The following GRIA1 variants were observed in gnomAD, a reference collection of about 807,000 sequenced individuals.
GRIA1 encodes glutamate ionotropic receptor AMPA type subunit 1.
In GRIA1, 31 loss-of-function variants were observed where a neutral mutation model predicts 99.2. The ratio of observed to expected loss-of-function variants is 0.31; its 90% CI spans 0.23 to 0.42. GRIA1 has a LOEUF of 0.42. Ranked by LOEUF, GRIA1 falls within the 10% of genes least tolerant of loss-of-function variation. GRIA1 has a pLI of 1.00. For synonymous variants in GRIA1, 438 were observed against 432.4 expected, an observed-to-expected ratio of 1.01 and a Z score of -0.16; for missense variants, 782 against 1,157.5, an observed-to-expected ratio of 0.68 and a Z score of 4.71.
chr5:153,677,943 A>C (rs2149488857), intron 7 of GRIA1, among the ~76,000 whole-genome samples: 1 of 152,172 alleles, frequency 6.6e-6, no homozygotes, highest in East Asian at 1.9e-4. Flanking sequence ...AAGGAATAGC[A>C]CTATATTTTT....
At chr5:153,625,342 A>G (rs1435993084) in intron 2 of GRIA1, among the ~76,000 whole-genome samples, 1 of 152,182 alleles carries the variant, frequency 6.6e-6, no homozygotes, top group Non-Finnish European at 1.5e-5. Context: ...TTCAGCATCC[A>G]TTTAGGATAG....
At chr5:153,697,306 T>A (rs1024180484) in intron 8 of GRIA1, among the ~76,000 whole-genome samples, 5 of 152,360 alleles carry the variant, frequency 3.3e-5, no homozygotes, top group African/African-American at 1.2e-4. Context: ...TCTCTCAGAC[T>A]TCTTTGCATC....
At chr5:153,797,982 C>G (rs1457641051) in intron 14 of GRIA1, among the ~76,000 whole-genome samples, 2 of 152,120 alleles carry the variant, frequency 1.3e-5, no homozygotes, top group Admixed American at 1.3e-4. Flanking sequence ...GATCCCAGAC[C>G]CTCTAGAAAC....
In GRIA1 at chr5:153,811,387, C is replaced by T; in HGVS notation, c.*162C>T. ...AGGTTTTCCTGAAGAATTGAAAAAC[C>T]ATTTTGCTGTCCCTTTTCCTTTTTT... On this transcript the variant is annotated 3_prime_UTR_variant, in exon 16 of 16. Transcript: ENST00000285900. 1 of 604,470 alleles carries T rather than the reference C, an allele frequency of 1.7e-6. No individual in the cohort carries two copies. Among genetic ancestry groups the T allele is most frequent in the Admixed American group, 2.9e-5 (1 of 34,250 alleles). 37.4% of individuals were successfully genotyped at this position (604,470 alleles called of 1,614,324 possible).
In GRIA1 at chr5:153,490,956, A is replaced by G. The variant is rs1380045490; in HGVS notation, c.68A>G (p.Asn23Ser). 6.2e-7 allele frequency: 1 copy of G among 1,614,070 alleles called. No homozygotes were observed. The highest frequency in any genetic ancestry group is 1.1e-5 in the South Asian group (1 of 91,064). The part of the protein sequence containing the change: ...LGAVVGANFP[N>S]NIQIGGLFPN... ...GCGGTAGTAGGTGCCAATTTCCCCA[A>G]CAATATCCAGATCGGTGAGTGAGGG... Residue 23 changes from asparagine (N) to serine (S), a missense_variant, in exon 1 of 16, where the codon AAC becomes AGC. By Grantham distance (46) the Asn-to-Ser change is conservative (BLOSUM62 1). Coordinates refer to ENST00000285900, the MANE Select transcript of GRIA1 (RefSeq NM_000827.4).
At chr5:153,524,513 TC>T in intron 2 of GRIA1, among the ~76,000 whole-genome samples, 1 of 152,340 alleles carries the variant, frequency 6.6e-6, no homozygotes, top group East Asian at 1.9e-4. Flanking sequence ...AAACTTTCTA[TC>T]CTTCTGGACT....
chr5:153,756,579 G>A (rs79585237), intron 11 of GRIA1, among the ~76,000 whole-genome samples: 194 of 152,242 alleles, frequency 1.3e-3, no homozygotes, highest in African/African-American at 4.4e-3. Context: ...AAGCCATATG[G>A]ACCAGTGAGA....
chr5:153,494,133 A>T, intron 2 of GRIA1, 68 bp downstream of exon 2: 1 of 1,542,392 alleles, frequency 6.5e-7, no homozygotes, highest in Non-Finnish European at 8.8e-7. Context: ...GCCTGTGGGT[A>T]GGTGGTGGTG....
chr5:153,659,688 A>G (rs964666314), intron 5 of GRIA1, among the ~76,000 whole-genome samples: 22 of 152,160 alleles, frequency 1.4e-4, no homozygotes, highest in African/African-American at 5.1e-4. Context: ...GTGCCACTGC[A>G]ATTGCCAATA....
chr5:153,743,905 T>C (rs1761979985), intron 11 of GRIA1, among the ~76,000 whole-genome samples: 1 of 152,268 alleles, frequency 6.6e-6, no homozygotes, highest in East Asian at 1.9e-4. Flanking sequence ...ATTGGACATA[T>C]GTGGAGCACA....
intron 2 of GRIA1, among the ~76,000 whole-genome samples, chr5:153,597,578 A>C (rs2149393130): frequency 6.6e-6 from 1 of 152,336 alleles, no homozygotes; most frequent in South Asian, 2.1e-4. Flanking sequence ...TCAGTGAGAT[A>C]ATGCAATGGT....
intron 11 of GRIA1, among the ~76,000 whole-genome samples, chr5:153,742,834 T>A (rs1255642682): frequency 1.3e-5 from 2 of 152,260 alleles, no homozygotes; most frequent in Non-Finnish European, 2.9e-5. Flanking sequence ...CATGATTGCA[T>A]TGAGTCCACC....
intron 13 of GRIA1, among the ~76,000 whole-genome samples, chr5:153,772,956 T>C (rs1343924834): frequency 6.6e-6 from 1 of 152,110 alleles, no homozygotes; most frequent in Non-Finnish European, 1.5e-5. Context: ...AGTACCTCTG[T>C]CATCCCATCC....
intron 11 of GRIA1, among the ~76,000 whole-genome samples, chr5:153,758,029 T>C (rs928662650): frequency 3.3e-5 from 5 of 152,132 alleles, no homozygotes; most frequent in Admixed American, 2.6e-4. Context: ...TGAATGTTTA[T>C]TGTAAGCCTC....
At chr5:153,625,450 G>A (rs1250834157) in intron 2 of GRIA1, among the ~76,000 whole-genome samples, 4 of 152,178 alleles carry the variant, frequency 2.6e-5, no homozygotes, top group Admixed American at 1.3e-4. Flanking sequence ...GGCATTTGCC[G>A]ACTGACTTCC....
chr5:153,793,034 G>A (rs544218696), intron 13 of GRIA1, among the ~76,000 whole-genome samples: 41 of 152,154 alleles, frequency 2.7e-4, no homozygotes, highest in Admixed American at 1.4e-3. Flanking sequence ...CCCAGCGACT[G>A]ACAAGCATAA....
At chr5:153,522,848 A>G (rs769775314) in intron 2 of GRIA1, among the ~76,000 whole-genome samples, 2 of 152,172 alleles carry the variant, frequency 1.3e-5, no homozygotes, top group Admixed American at 1.3e-4. Flanking sequence ...ATCTCAGAGG[A>G]AGGTTTTGAG....
At chr5:153,616,477 A>T (rs956952708) in intron 2 of GRIA1, among the ~76,000 whole-genome samples, 1 of 152,058 alleles carries the variant, frequency 6.6e-6, no homozygotes, top group Admixed American at 6.6e-5. Flanking sequence ...CTAAAAAAAA[A>T]AATTCGCAAA....
intron 2 of GRIA1, among the ~76,000 whole-genome samples, chr5:153,596,342 G>A (rs549405361): frequency 2.0e-5 from 3 of 152,032 alleles, no homozygotes; most frequent in African/African-American, 4.8e-5. Flanking sequence ...TTTGGTTTTC[G>A]GCTCTGTCCA....
Sources: gnomAD v4.1 joint callset for allele counts (sites outside exome capture counted in the v4.1 genomes callset) on GRCh38, gnomAD v4.1.1 for gene constraint, MANE v1.5 for transcripts, NCBI Gene and HGNC (gene_info 2026-07-23, HGNC 2026-07-21) for gene names.